The following PC variants were observed in gnomAD, a reference collection of about 807,000 sequenced individuals.
PC encodes pyruvate carboxylase, also known as pyruvate carboxylase, mitochondrial.
Under a neutral mutation model 107.8 loss-of-function variants are expected in PC, and 46 were observed. The observed-to-expected ratio is 0.43, with a 90% CI of 0.34 to 0.55. The LOEUF (loss-of-function observed/expected upper bound fraction) is 0.55, where lower values mean the gene tolerates loss of function less well. PC is among the 20% of genes least tolerant of loss of function. PC has a pLI of 0.04. For missense variants in PC, 1,241 were observed against 1,643.1 expected, an observed-to-expected ratio of 0.76 and a Z score of 4.23; for synonymous variants, 662 against 684.7, an observed-to-expected ratio of 0.97 and a Z score of 0.52.
At chr11:66,902,426 G>C (rs1258406492) in intron 3 of PC, among the ~76,000 whole-genome samples, 5 of 152,120 alleles carry the variant, frequency 3.3e-5, no homozygotes, top group African/African-American at 1.2e-4. Flanking sequence ...AATCATCAGA[G>C]GGCTTGTAAG....
rs1459278714 is a variant in PC at position 66,857,933 on chromosome 11, G to A, written c.1369-4550C>T. Reference sequence around the variant, plus strand: ...TGGCTGACAACTTCATCCAGGCCCTGGGGCCCCCTGACTTCCGCAACATGA... The same window carrying A: ...TGGCTGACAACTTCATCCAGGCCCTAGGGCCCCCTGACTTCCGCAACATGA... On this transcript the variant is annotated intron_variant, in intron 12 of 22. Coordinates refer to ENST00000393960, the MANE Select transcript of PC (RefSeq NM_001040716.2). The surrounding 1 kb of genome is among the most constrained non-coding windows in gnomAD (Gnocchi z 7.1). The A allele has an allele frequency of 6.2e-7, 1 of 1,612,364 alleles. No individual in the cohort carries two copies. The highest frequency in any genetic ancestry group is 1.3e-5 in the African/African-American group (1 of 75,026).
chr11:66,864,387 C>T lies in PC; in HGVS notation c.1186-431G>A, dbSNP rs533115491. Among the ~76,000 whole-genome samples, 24 of 152,378 alleles carry T rather than the reference C, an allele frequency of 1.6e-4. No individual in the cohort carries two copies. The South Asian group carries it at 3.1e-3, about 20-fold the overall frequency. ...TGACCCGGCCGCTAAAGGGCCTCGCCGTGGGCTCCCAGACAGCGAGGGGAC... is the reference window on the plus strand; with the variant it reads ...TGACCCGGCCGCTAAAGGGCCTCGCTGTGGGCTCCCAGACAGCGAGGGGAC... On this transcript the variant is annotated intron_variant, in intron 11 of 22. Transcript: ENST00000393960.
intron 3 of PC, among the ~76,000 whole-genome samples, chr11:66,936,629 A>C (rs1479858716): frequency 6.6e-6 from 1 of 152,192 alleles, no homozygotes; most frequent in Non-Finnish European, 1.5e-5. Context: ...TATGGTATGA[A>C]GGGTGAAGCA....
chr11:66,866,913 G>A lies in PC; in HGVS notation c.1023-564C>T, dbSNP rs146027619. Among the ~76,000 whole-genome samples, 22 of 152,262 alleles carry A rather than the reference G, an allele frequency of 1.4e-4. No homozygotes were observed. In the East Asian group the frequency reaches 4.2e-3, roughly 29 times the overall value. On this transcript the variant is annotated intron_variant, in intron 10 of 22. Transcript: ENST00000393960. This position sits in a 1 kb window ranked among gnomAD's most constrained non-coding sequence, Gnocchi z 5.4. The stretch of plus-strand genomic sequence containing the variant: ...GAGAGGGTTGCACAGTGGGTGCTGG[G>A]TCAGGACCTGTCCTTCTGAGGCCTG...
intron 3 of PC, chr11:66,907,683 C>T (rs1013539064): frequency 6.6e-6 from 1 of 152,236 alleles, no homozygotes; most frequent in African/African-American, 2.4e-5. Context: ...AAGGACTGTT[C>T]CCATCCTTCT....
intron 3 of PC, among the ~76,000 whole-genome samples, chr11:66,897,058 A>G (rs183122026): frequency 6.6e-6 from 1 of 152,148 alleles, no homozygotes; most frequent in East Asian, 1.9e-4. Flanking sequence ...CAGCCTCCAG[A>G]GTAGCTGGGA....
chr11:66,957,428 G>T (rs114687572), intron 1 of PC, among the ~76,000 whole-genome samples: 1,919 of 152,334 alleles, frequency 0.013, 43 homozygotes, highest in African/African-American at 0.044. Context: ...ACCAGCCTGG[G>T]CAACATGACG....
chr11:66,894,452 C>T (rs1336644553), intron 3 of PC, among the ~76,000 whole-genome samples: 1 of 152,218 alleles, frequency 6.6e-6, no homozygotes, highest in Non-Finnish European at 1.5e-5. Flanking sequence ...TATGAAATCC[C>T]ACTAAGACTT....
intron 3 of PC, among the ~76,000 whole-genome samples, chr11:66,920,305 C>A (rs1192882198): frequency 2.0e-5 from 3 of 152,150 alleles, no homozygotes; most frequent in Non-Finnish European, 4.4e-5. Context: ...TTACCCAGCA[C>A]CCCGTCACCC....
chr11:66,943,755 CAAAAAAAAAA>C (rs34245785), intron 3 of PC, among the ~76,000 whole-genome samples: 23 of 17,584 alleles, frequency 1.3e-3, no homozygotes, highest in Admixed American at 2.5e-3. Flanking sequence ...GACTCCGGCT[CAAAAAAAAAA>C]AAAAAAAAAA....
chr11:66,869,048 A>C, intron 9 of PC, 84 bp from the exon 10 acceptor site: 1 of 1,061,208 alleles, frequency 9.4e-7, no homozygotes, highest in Non-Finnish European at 1.4e-6. Flanking sequence ...ATTCCGTCCC[A>C]CCCATTGGGT....
chr11:66,901,481 T>A lies in PC; in HGVS notation c.1-29322A>T, dbSNP rs367580018. Among the ~76,000 whole-genome samples, 17 of 152,260 alleles carry A rather than the reference T, an allele frequency of 1.1e-4. No homozygotes were observed. In the South Asian group the frequency reaches 2.9e-3, roughly 26 times the overall value. ...TGCAGGAAAGGCTATTTATTTATTTTTTTTTGGAGACAGAGTCCCGCTCTG... is the reference window on the plus strand; with the variant it reads ...TGCAGGAAAGGCTATTTATTTATTTATTTTTGGAGACAGAGTCCCGCTCTG... On this transcript the variant is annotated intron_variant, in intron 3 of 22. Transcript: ENST00000393960.
chr11:66,860,740 G>C (rs1946213749), intron 12 of PC: 2 of 699,500 alleles, frequency 2.9e-6, no homozygotes, highest in Admixed American at 4.0e-5. Flanking sequence ...CTTCCTGCCA[G>C]GTGGCGACAG....
At chr11:66,853,520 A>C (rs1945632567) in intron 12 of PC, 137 bp from the exon 13 acceptor site, 2 of 1,007,194 alleles carry the variant, frequency 2.0e-6, no homozygotes, top group Non-Finnish European at 3.1e-6. Context: ...GCAGAGGGGC[A>C]CTTCCCCGTC....
chr11:66,878,768 T>G (rs959369193), intron 3 of PC, among the ~76,000 whole-genome samples: 1 of 152,178 alleles, frequency 6.6e-6, no homozygotes, highest in South Asian at 2.1e-4. Flanking sequence ...GGTGGCAGCA[T>G]GCCAGGCAGA....
rs1184379895 is a variant in PC at position 66,856,250 on chromosome 11, G to T, written c.1369-2867C>A. ...GGGAGGGAGGGGCCGCAGGCGCTGC[G>T]AGGACGCACAGCTTCCCAATGCGTG... is the stretch of plus-strand genomic sequence containing the variant. On this transcript the variant is annotated intron_variant, in intron 12 of 22. Coordinates refer to ENST00000393960, the MANE Select transcript of PC (RefSeq NM_001040716.2). Among the ~76,000 whole-genome samples, 3 of 152,260 alleles carry T rather than the reference G, an allele frequency of 2.0e-5. No homozygotes were observed. In the South Asian group the frequency reaches 6.2e-4, roughly 31 times the overall value.
chr11:66,860,168 C>A (rs1346942911), intron 12 of PC: 1 of 1,547,420 alleles, frequency 6.5e-7, no homozygotes, highest in Non-Finnish European at 8.7e-7. Context: ...GAGGCAGCGC[C>A]GAGCGGCTGG....
At position 66,858,889 on chromosome 11, in the gene PC, G is replaced by A. The variant is rs779202810; in HGVS notation, c.1368+4885C>T. The A allele has an allele frequency of 5.2e-6, 8 of 1,553,054 alleles. No individual in the cohort carries two copies. In the South Asian group the frequency reaches 5.9e-5, roughly 11 times the overall value. On this transcript the variant is annotated intron_variant, in intron 12 of 22. Coordinates refer to ENST00000393960, the MANE Select transcript of PC (RefSeq NM_001040716.2). The surrounding 1 kb of genome is among the most constrained non-coding windows in gnomAD (Gnocchi z 5.9). ...GGTGGGAACAGCAGTGCCGAGGGGGGCCGCCCCGGGCCCTCGGACATCGCC... is the reference window on the plus strand; with the variant it reads ...GGTGGGAACAGCAGTGCCGAGGGGGACCGCCCCGGGCCCTCGGACATCGCC...
At chr11:66,914,127 T>G (rs1338131512) in intron 3 of PC, among the ~76,000 whole-genome samples, 2 of 152,210 alleles carry the variant, frequency 1.3e-5, no homozygotes, top group Non-Finnish European at 2.9e-5. Flanking sequence ...TTCTCCCTAC[T>G]GGATAAAACA....
Sources: gnomAD v4.1 joint callset for allele counts (sites outside exome capture counted in the v4.1 genomes callset) on GRCh38, gnomAD v4.1.1 for gene constraint, Gnocchi (gnomAD v3.1) non-coding constraint, MANE v1.5 for transcripts, NCBI Gene and HGNC (gene_info 2026-07-23, HGNC 2026-07-21) for gene names.